RIMS2: variants seen among roughly 807,000 people sequenced by gnomAD.
RIMS2 encodes the protein regulating synaptic membrane exocytosis 2.
In RIMS2, 59 loss-of-function variants were observed where a neutral mutation model predicts 174.4. The observed-to-expected ratio is 0.34, with a 90% CI of 0.27 to 0.42. RIMS2 has a LOEUF of 0.42. Ranked by LOEUF, RIMS2 falls within the 10% of genes least tolerant of loss-of-function variation. RIMS2 has a pLI of 1.00. For synonymous variants in RIMS2, 606 were observed against 572.5 expected, an observed-to-expected ratio of 1.06 and a Z score of -0.84; for missense variants, 1,620 against 1,666.3, an observed-to-expected ratio of 0.97 and a Z score of 0.48.
chr8:103,838,898 T>C (rs1420517493), intron 3 of RIMS2, among the ~76,000 whole-genome samples: 1 of 152,146 alleles, frequency 6.6e-6, no homozygotes, highest in Non-Finnish European at 1.5e-5. Context: ...ACCCCGTCTC[T>C]ACTAAAAATA....
At chr8:104,089,937 T>C (rs2097609029) in intron 19 of RIMS2, among the ~76,000 whole-genome samples, 2 of 151,732 alleles carry the variant, frequency 1.3e-5, no homozygotes, top group South Asian at 4.1e-4. Flanking sequence ...AAGTTAAATC[T>C]TTGACTTTTA....
chr8:104,069,224 T>A (rs1372502734), intron 19 of RIMS2, among the ~76,000 whole-genome samples: 1 of 152,176 alleles, frequency 6.6e-6, no homozygotes, highest in Non-Finnish European at 1.5e-5. Context: ...GTTCTAAACA[T>A]GTTTGAGGTA....
intron 3 of RIMS2, among the ~76,000 whole-genome samples, chr8:103,848,545 T>A (rs1301293700): frequency 6.6e-6 from 1 of 151,984 alleles, no homozygotes; most frequent in Non-Finnish European, 1.5e-5. Context: ...TCATGATGGG[T>A]GCTTCTGGAT....
chr8:103,996,884 G>C (rs887508454), intron 17 of RIMS2, among the ~76,000 whole-genome samples: 2 of 151,838 alleles, frequency 1.3e-5, no homozygotes, highest in African/African-American at 4.8e-5. Context: ...TATATGAACT[G>C]AACTATAAGT....
chr8:104,084,456 A>AT (rs1325280772), intron 19 of RIMS2, among the ~76,000 whole-genome samples: 1 of 150,574 alleles, frequency 6.6e-6, no homozygotes, highest in Non-Finnish European at 1.5e-5. Context: ...AAAAAAAAAA[A>AT]CTAAAGTAGA....
chr8:104,076,514 T>A (rs2097295522), intron 19 of RIMS2, among the ~76,000 whole-genome samples: 1 of 152,190 alleles, frequency 6.6e-6, no homozygotes, highest in Admixed American at 6.5e-5. Flanking sequence ...TGGTACACAA[T>A]ATTATTAATA....
chr8:103,928,544 T>G (rs1025445298), intron 11 of RIMS2, among the ~76,000 whole-genome samples: 10 of 151,420 alleles, frequency 6.6e-5, no homozygotes, highest in African/African-American at 2.4e-4. Context: ...CCTTATATGG[T>G]AAAGTAATGG....
At chr8:103,897,234 A>G (rs1469677541) in intron 4 of RIMS2, among the ~76,000 whole-genome samples, 2 of 151,662 alleles carry the variant, frequency 1.3e-5, no homozygotes, top group Non-Finnish European at 2.9e-5. Flanking sequence ...TTCTACACAA[A>G]GTGGATGGCC....
intron 1 of RIMS2, among the ~76,000 whole-genome samples, chr8:103,584,080 C>T (rs752389331): frequency 5.3e-5 from 8 of 152,016 alleles, no homozygotes; most frequent in South Asian, 2.1e-4. Context: ...AGAAAGGATC[C>T]GAAAAGCAGC....
chr8:103,750,874 G>A (rs1002580807), intron 2 of RIMS2, among the ~76,000 whole-genome samples: 2 of 152,106 alleles, frequency 1.3e-5, no homozygotes, highest in African/African-American at 2.4e-5. Context: ...ATATGCTTTG[G>A]CTATGTCCCC....
chr8:103,951,643 G>T (rs1436023542), intron 14 of RIMS2, among the ~76,000 whole-genome samples: 1 of 152,132 alleles, frequency 6.6e-6, no homozygotes, highest in Non-Finnish European at 1.5e-5. Context: ...TGCTACCAGG[G>T]CCCTGGGTTT....
intron 17 of RIMS2, among the ~76,000 whole-genome samples, chr8:103,999,483 C>T (rs1410515044): frequency 6.6e-6 from 1 of 151,232 alleles, no homozygotes. Flanking sequence ...TTTGTTTTTA[C>T]TGTTGCTATA....
intron 2 of RIMS2, among the ~76,000 whole-genome samples, chr8:103,742,211 A>T (rs186357021): frequency 3.8e-4 from 58 of 152,166 alleles, no homozygotes; most frequent in Non-Finnish European, 2.9e-5. Context: ...CTTGAGATGG[A>T]TATAAAGATC....
chr8:103,644,152 T>A (rs555094820), intron 1 of RIMS2, among the ~76,000 whole-genome samples: 2 of 151,810 alleles, frequency 1.3e-5, no homozygotes, highest in African/African-American at 4.8e-5. Flanking sequence ...AAACTAAGAT[T>A]TGGAATTTGA....
intron 2 of RIMS2, among the ~76,000 whole-genome samples, chr8:103,704,998 G>A (rs4734080): frequency 0.054 from 8,163 of 151,250 alleles, 313 homozygotes; most frequent in Non-Finnish European, 0.078. Context: ...TTAATATTGG[G>A]CTTGATTTAT....
chr8:103,977,747 G>T (rs2093573705), intron 16 of RIMS2, among the ~76,000 whole-genome samples: 1 of 152,154 alleles, frequency 6.6e-6, no homozygotes, highest in Non-Finnish European at 1.5e-5. Flanking sequence ...AGTTTCCATA[G>T]CCCCTCTCCT....
intron 19 of RIMS2, among the ~76,000 whole-genome samples, chr8:104,064,565 G>C (rs147313903): frequency 1.8e-3 from 274 of 151,840 alleles, no homozygotes; most frequent in Non-Finnish European, 3.6e-3. Flanking sequence ...AGGAGTATTT[G>C]TATATATACA....
intron 19 of RIMS2, among the ~76,000 whole-genome samples, chr8:104,203,942 A>G (rs1401456831): frequency 2.0e-5 from 3 of 152,210 alleles, no homozygotes; most frequent in Non-Finnish European, 4.4e-5. Flanking sequence ...TCAATTGAGT[A>G]AAGGGATGAG....
chr8:104,071,274 A>G (rs948302666), intron 19 of RIMS2, among the ~76,000 whole-genome samples: 11 of 152,202 alleles, frequency 7.2e-5, no homozygotes, highest in African/African-American at 2.7e-4. Flanking sequence ...AAAAATAAAT[A>G]TTGGTAAAAA....
Sources: allele counts gnomAD v4.1 joint callset (sites outside exome capture counted in the v4.1 genomes callset), GRCh38; gene constraint gnomAD v4.1.1; transcripts MANE v1.5; gene names NCBI Gene and HGNC (gene_info 2026-07-23, HGNC 2026-07-21).